ARAP2: variants seen among roughly 807,000 people sequenced by gnomAD.
The protein encoded by ARAP2 is ArfGAP with RhoGAP domain, ankyrin repeat and PH domain 2, also known as arf-GAP with Rho-GAP domain, ANK repeat and PH domain-containing protein 2.
Under a neutral mutation model 194.5 loss-of-function variants are expected in ARAP2, and 148 were observed. The observed-to-expected ratio is 0.76, with a 90% CI of 0.67 to 0.87. The LOEUF is 0.87. Among genes scored for constraint, ARAP2 ranks in the 40% least tolerant of loss-of-function variants. The pLI, the probability that ARAP2 is intolerant of heterozygous loss-of-function variation, is 0.00. For missense variants in ARAP2, 2,128 were observed against 1,989.7 expected (o/e 1.07, Z -1.32); for synonymous variants, 695 against 683.5 (o/e 1.02, Z -0.26).
chr4:36,132,878 T>C (rs1725761153), intron 20 of ARAP2, among the ~76,000 whole-genome samples: 2 of 151,830 alleles, frequency 1.3e-5, no homozygotes, highest in South Asian at 2.1e-4. Context: ...GGCTTTAATC[T>C]AGCCTTGTAA....
At chr4:36,167,428 C>T (rs1181327461) in intron 9 of ARAP2, among the ~76,000 whole-genome samples, 2 of 152,056 alleles carry the variant, frequency 1.3e-5, no homozygotes, top group Non-Finnish European at 2.9e-5. Flanking sequence ...AGCATCATTA[C>T]TAGTTATGTA....
rs1386375022 is a variant in ARAP2 at position 36,160,582 on chromosome 4, C to G, written c.2319G>C (p.Lys773Asn). 6.6e-7 allele frequency: 1 copy of G among 1,524,274 alleles called. No homozygotes were observed. The highest frequency in any genetic ancestry group is 1.4e-5 in the African/African-American group (1 of 69,224). 94.4% of individuals were successfully genotyped at this position (1,524,274 alleles called of 1,614,324 possible). The change falls in exon 13 of 33, where the codon AAG becomes AAC. Residue 773 changes from lysine (K) to asparagine (N), a missense_variant. Transcript: ENST00000303965. ...ANDFWAGNLQ[K>N]DEELHMDSPV... is the part of the protein sequence containing the mutation. The stretch of plus-strand genomic sequence containing the variant: ...GTGAGTCCATATGTAATTCTTCATC[C>G]TTTTGAAGATTACCAGCCCAAAAGT...
intron 26 of ARAP2, among the ~76,000 whole-genome samples, chr4:36,109,649 A>C (rs535107524): frequency 6.6e-6 from 1 of 152,024 alleles, no homozygotes; most frequent in South Asian, 2.1e-4. Flanking sequence ...CTTCTAATTG[A>C]AGTTAGATAT....
intron 11 of ARAP2, among the ~76,000 whole-genome samples, chr4:36,162,114 A>G (rs954780372): frequency 4.3e-5 from 6 of 140,048 alleles, no homozygotes; most frequent in Non-Finnish European, 9.1e-5. Flanking sequence ...TCTCAAAAAA[A>G]AAAAAAAAGA....
intron 9 of ARAP2, among the ~76,000 whole-genome samples, chr4:36,169,589 G>A (rs143996710): frequency 1.3e-5 from 2 of 150,344 alleles, no homozygotes; most frequent in African/African-American, 4.9e-5. Flanking sequence ...AGAGTGCAAT[G>A]GCACGATCTC....
chr4:36,020,123 C>T (rs1716651748), intron 5 of ARAP2, among the ~76,000 whole-genome samples: 1 of 152,128 alleles, frequency 6.6e-6, no homozygotes, highest in African/African-American at 2.4e-5. Flanking sequence ...AATACCACGA[C>T]AATCAGACAG....
At chr4:36,198,358 GCAC>G (rs1275255649) in intron 6 of ARAP2, among the ~76,000 whole-genome samples, 2 of 152,304 alleles carry the variant, frequency 1.3e-5, no homozygotes, top group Non-Finnish European at 2.9e-5. Flanking sequence ...CCCAGAAAAG[GCAC>G]CACAAGTTCC....
intron 22 of ARAP2, among the ~76,000 whole-genome samples, chr4:36,121,766 C>T (rs990356901): frequency 2.6e-5 from 4 of 151,606 alleles, no homozygotes; most frequent in African/African-American, 9.7e-5. Flanking sequence ...TTCCAAATTC[C>T]AGGTGCCAAG....
At position 36,159,320 on chromosome 4, in the gene ARAP2, C is replaced by G. The variant is rs765580350; in HGVS notation, c.2617+11G>C. On this transcript the variant is annotated intron_variant, in intron 14 of 32. Coordinates refer to ENST00000303965, the MANE Select transcript of ARAP2 (RefSeq NM_015230.4). ...AGAAGAGACCAGGTTAATGAAGAGA[C>G]AGTGACGAACCTGAGAATTTGTTAT... 4.4e-6 allele frequency: 7 copies of G among 1,586,622 alleles called. No homozygotes were observed. Among genetic ancestry groups the G allele is most frequent in the Non-Finnish European group, 6.0e-6 (7 of 1,163,892 alleles).
chr4:36,072,658 A>T (rs899782074), intron 32 of ARAP2, among the ~76,000 whole-genome samples: 4 of 131,612 alleles, frequency 3.0e-5, no homozygotes, highest in Non-Finnish European at 6.4e-5. Flanking sequence ...TTTATTACCT[A>T]AAAAAAAACA....
chr4:36,033,455 G>T (rs1719345235), intron 5 of ARAP2, among the ~76,000 whole-genome samples: 1 of 150,932 alleles, frequency 6.6e-6, no homozygotes, highest in South Asian at 2.1e-4. Flanking sequence ...CTTTTCTGAA[G>T]TGTCTGTTCA....
At chr4:36,177,796 A>G in intron 9 of ARAP2, 31 bp downstream of exon 9, 1 of 1,522,398 alleles carries the variant, frequency 6.6e-7, no homozygotes, top group African/African-American at 1.4e-5. Context: ...ATAAAATAGC[A>G]GCAATTTGCA....
At chr4:36,153,029 A>G (rs1578090861) in intron 15 of ARAP2, among the ~76,000 whole-genome samples, 1 of 152,226 alleles carries the variant, frequency 6.6e-6, no homozygotes, top group Non-Finnish European at 1.5e-5. Flanking sequence ...CATAACATAA[A>G]TGTGACTGCA....
At chr4:36,180,275 C>G (rs574283528) in intron 8 of ARAP2, among the ~76,000 whole-genome samples, 13 of 151,766 alleles carry the variant, frequency 8.6e-5, no homozygotes, top group Admixed American at 6.6e-5. Flanking sequence ...TTCGTCCCCC[C>G]GCTCCCCCGC....
chr4:36,100,116 C>A (rs13110947), intron 27 of ARAP2, among the ~76,000 whole-genome samples: 117,529 of 151,996 alleles, frequency 0.77, 47,779 homozygotes, highest in South Asian at 0.93. Context: ...ATCAGCAGGT[C>A]GCCTTGAAAG....
chr4:36,139,287 C>T (rs192464555), intron 19 of ARAP2, among the ~76,000 whole-genome samples: 311 of 151,544 alleles, frequency 2.1e-3, no homozygotes, highest in African/African-American at 7.2e-3. Flanking sequence ...TTGATTATAT[C>T]CAATGTGTTA....
At position 36,228,733 on chromosome 4, in the gene ARAP2, T is replaced by C; in HGVS notation, c.754A>G (p.Met252Val). 1.2e-6 allele frequency: 2 copies of C among 1,614,134 alleles called. No homozygotes were observed. The highest frequency in any genetic ancestry group is 1.7e-6 in the Non-Finnish European group (2 of 1,179,998). The change falls in exon 2 of 33, where the codon ATG becomes GTG. Residue 252 changes from methionine (M) to valine (V), a missense_variant. Transcript: ENST00000303965. ...PSPFFKFQGE[M>V]IVNDLYVPSS... ...GGAACATACAAGTCATTTACAATCA[T>C]TTCTCCTTGAAACTTAAAGAATGGG... is the stretch of plus-strand genomic sequence containing the variant.
At chr4:36,117,166 GATAAAC>G (rs1412755272) in intron 24 of ARAP2, 31 bp from the exon 25 acceptor site, 8 of 1,468,818 alleles carry the variant, frequency 5.4e-6, no homozygotes, top group Non-Finnish European at 1.8e-6. Flanking sequence ...AAACAACACA[GATAAAC>G]ATATTGTAAA....
At chr4:36,181,127 C>T (rs141508114) in intron 8 of ARAP2, among the ~76,000 whole-genome samples, 21 of 152,200 alleles carry the variant, frequency 1.4e-4, no homozygotes, top group East Asian at 3.9e-4. Context: ...TTATTCTTAC[C>T]GATAACAAAT....
Sources: gnomAD v4.1 joint callset for allele counts (sites outside exome capture counted in the v4.1 genomes callset) on GRCh38, gnomAD v4.1.1 for gene constraint, MANE v1.5 for transcripts, NCBI Gene and HGNC (gene_info 2026-07-23, HGNC 2026-07-21) for gene names.